CADPS2: variants seen among roughly 807,000 people sequenced by gnomAD.
The protein encoded by CADPS2 is calcium-dependent secretion activator 2.
A neutral mutation model predicts 172.5 loss-of-function variants in CADPS2; 93 were observed. The ratio of observed to expected loss-of-function variants is 0.54; its 90% confidence interval spans 0.46 to 0.64. The LOEUF (loss-of-function observed/expected upper bound fraction) is 0.64, where lower values mean the gene tolerates loss of function less well. CADPS2 is among the 30% of genes least tolerant of loss of function. CADPS2 has a pLI of 0.00. For missense variants in CADPS2, 1,420 were observed against 1,565.9 expected (o/e 0.91, Z 1.57); for synonymous variants, 546 against 555.2 (o/e 0.98, Z 0.23).
chr7:122,789,437 A>G (rs1237456024), intron 1 of CADPS2, among the ~76,000 whole-genome samples: 1 of 152,166 alleles, frequency 6.6e-6, no homozygotes, highest in African/African-American at 2.4e-5. Flanking sequence ...TTGCTTTGAA[A>G]AGCATTCAGA....
chr7:122,472,923 T>C (rs2056167550), intron 13 of CADPS2, among the ~76,000 whole-genome samples: 1 of 152,060 alleles, frequency 6.6e-6, no homozygotes, highest in Non-Finnish European at 1.5e-5. Context: ...GGGGGCGCAT[T>C]TTGTCTGAAA....
intron 11 of CADPS2, among the ~76,000 whole-genome samples, chr7:122,487,212 G>A (rs2057904944): frequency 6.6e-6 from 1 of 151,792 alleles, no homozygotes; most frequent in Non-Finnish European, 1.5e-5. Flanking sequence ...GTTTCATCAT[G>A]TTGCCCAGTC....
chr7:122,360,732 C>T, intron 27 of CADPS2, 56 bp downstream of exon 27: 1 of 1,479,660 alleles, frequency 6.8e-7, no homozygotes, highest in South Asian at 1.3e-5. Flanking sequence ...TGATGAACTG[C>T]AATTTTTTTT....
At chr7:122,652,740 C>T (rs576996684) in intron 3 of CADPS2, among the ~76,000 whole-genome samples, 203 of 152,274 alleles carry the variant, frequency 1.3e-3, no homozygotes, top group Non-Finnish European at 1.2e-3. Flanking sequence ...GTTCTCAAAT[C>T]AAAGAATCCA....
intron 1 of CADPS2, among the ~76,000 whole-genome samples, chr7:122,836,922 G>C (rs1808645192): frequency 6.6e-6 from 1 of 152,124 alleles, no homozygotes; most frequent in East Asian, 1.9e-4. Flanking sequence ...TCTGCACCAA[G>C]CGGACCTAAT....
chr7:122,544,982 A>T (rs1462052531), intron 8 of CADPS2, among the ~76,000 whole-genome samples: 1 of 152,196 alleles, frequency 6.6e-6, no homozygotes, highest in East Asian at 1.9e-4. Context: ...GAAAAAAGGA[A>T]GAAAGTCCAT....
At chr7:122,398,216 GAATTTA>G (rs550540374) in intron 20 of CADPS2, among the ~76,000 whole-genome samples, 42 of 152,190 alleles carry the variant, frequency 2.8e-4, no homozygotes, top group African/African-American at 8.9e-4. Flanking sequence ...TTTCAACAGA[GAATTTA>G]AATTTAAACT....
chr7:122,778,380 A>T (rs2093948713), intron 1 of CADPS2, among the ~76,000 whole-genome samples: 1 of 152,220 alleles, frequency 6.6e-6, no homozygotes, highest in Non-Finnish European at 1.5e-5. Context: ...ATAGAAAAGA[A>T]AAAGAAAAGA....
chr7:122,785,818 C>T (rs1793898044), intron 1 of CADPS2, among the ~76,000 whole-genome samples: 1 of 152,104 alleles, frequency 6.6e-6, no homozygotes, highest in African/African-American at 2.4e-5. Context: ...AGGGCTCAGA[C>T]CATTTAGAGG....
intron 9 of CADPS2, among the ~76,000 whole-genome samples, chr7:122,508,147 C>A (rs938550525): frequency 6.6e-6 from 1 of 151,846 alleles, no homozygotes; most frequent in Admixed American, 6.6e-5. Context: ...ACACTCAGAG[C>A]GTTTTGAAAT....
At chr7:122,849,140 A>G (rs968064663) in intron 1 of CADPS2, among the ~76,000 whole-genome samples, 4 of 152,358 alleles carry the variant, frequency 2.6e-5, no homozygotes, top group African/African-American at 9.6e-5. Context: ...TTGCATTTAT[A>G]TCAAAGATTA....
intron 9 of CADPS2, among the ~76,000 whole-genome samples, chr7:122,496,374 G>T (rs2058732423): frequency 1.3e-5 from 2 of 152,114 alleles, no homozygotes; most frequent in African/African-American, 4.8e-5. Context: ...TGTTGGCCAG[G>T]CTGGTCTTCA....
chr7:122,333,430 G>C (rs1311266551), intron 28 of CADPS2, among the ~76,000 whole-genome samples: 4 of 152,098 alleles, frequency 2.6e-5, no homozygotes, highest in Admixed American at 2.6e-4. Context: ...CTACCTTTCT[G>C]TCTCTGAGTC....
At chr7:122,715,056 A>G (rs1050356778) in intron 2 of CADPS2, among the ~76,000 whole-genome samples, 3 of 152,084 alleles carry the variant, frequency 2.0e-5, no homozygotes, top group African/African-American at 7.2e-5. Flanking sequence ...GGCCTCCACA[A>G]CTGTGAGAGA....
intron 8 of CADPS2, among the ~76,000 whole-genome samples, chr7:122,553,595 C>T (rs1337162878): frequency 6.6e-6 from 1 of 152,068 alleles, no homozygotes; most frequent in Non-Finnish European, 1.5e-5. Flanking sequence ...TTGGGTTTCC[C>T]CCTGCCCAGA....
At chr7:122,795,477 C>A (rs557570801) in intron 1 of CADPS2, among the ~76,000 whole-genome samples, 2 of 152,104 alleles carry the variant, frequency 1.3e-5, no homozygotes, top group South Asian at 4.2e-4. Context: ...AGCCTAAAAG[C>A]AAACTGAATC....
chr7:122,848,486 C>T (rs1812638172), intron 1 of CADPS2, among the ~76,000 whole-genome samples: 3 of 152,166 alleles, frequency 2.0e-5, no homozygotes, highest in Admixed American at 1.3e-4. Flanking sequence ...CCAGGACCCC[C>T]AAAGGCTCTA....
chr7:122,697,650 G>T, intron 2 of CADPS2: 1 of 704,558 alleles, frequency 1.4e-6, no homozygotes, highest in Non-Finnish European at 2.3e-6. Context: ...TATCTTTGAG[G>T]TTGGACAAAG....
At chr7:122,824,632 C>G (rs1016534960) in intron 1 of CADPS2, among the ~76,000 whole-genome samples, 1 of 152,066 alleles carries the variant, frequency 6.6e-6, no homozygotes, top group Non-Finnish European at 1.5e-5. Context: ...TACTTTTAGT[C>G]CTTTAGCTAT....
Sources: gnomAD v4.1 joint callset for allele counts (sites outside exome capture counted in the v4.1 genomes callset) on GRCh38, gnomAD v4.1.1 for gene constraint, MANE v1.5 for transcripts, NCBI Gene and HGNC (gene_info 2026-07-23, HGNC 2026-07-21) for gene names.